Variants in MAP3K13 observed in about 807,000 individuals in gnomAD.
MAP3K13 encodes the protein leucine zipper-bearing kinase.
MAP3K13 carries 52 observed loss-of-function variants against 104.0 expected under a neutral mutation model. That is an observed-to-expected ratio of 0.50 (90% CI 0.40 to 0.63). The LOEUF (loss-of-function observed/expected upper bound fraction) is 0.63. Among genes scored for constraint, MAP3K13 ranks in the 20% least tolerant of loss-of-function variants. The pLI is 0.00. For missense variants in MAP3K13, 914 were observed against 1,218.5 expected, an observed-to-expected ratio of 0.75 and a Z score of 3.72; for synonymous variants, 394 against 442.2, an observed-to-expected ratio of 0.89 and a Z score of 1.37.
chr3:185,333,245 T>G (rs556491331), intron 2 of MAP3K13, among the ~76,000 whole-genome samples: 2 of 152,194 alleles, frequency 1.3e-5, no homozygotes, highest in Admixed American at 1.3e-4. Context: ...GATCTACTAA[T>G]AGCTGTGCAA....
At chr3:185,412,823 AT>A (rs892800472) in intron 1 of MAP3K13, among the ~76,000 whole-genome samples, 1 of 152,182 alleles carries the variant, frequency 6.6e-6, no homozygotes, top group African/African-American at 2.4e-5. Flanking sequence ...GTTATCTGTA[AT>A]ACAGTCTCCT....
rs533984739 is a variant in MAP3K13 at position 185,482,554 on chromosome 3, G to A, written c.*98G>A. ...CCACTCTCTCCCAGCATTTTGTCTG[G>A]GAAGAGAGACTACCCCATCTTTACC... is the stretch of plus-strand genomic sequence containing the variant. On this transcript the variant is annotated 3_prime_UTR_variant, in exon 14 of 14. Transcript: ENST00000265026. The surrounding 1 kb of genome is among the most constrained non-coding windows in gnomAD (Gnocchi z 4.5). 20 of 897,940 alleles carry A rather than the reference G, an allele frequency of 2.2e-5. No homozygotes were observed. The African/African-American group carries it at 3.1e-4, about 14-fold the overall frequency. The allele number at this position is 897,940 out of a possible 1,614,324, so 55.6% of individuals were successfully genotyped here.
intron 2 of MAP3K13, among the ~76,000 whole-genome samples, chr3:185,357,298 A>T (rs962642469): frequency 6.6e-6 from 1 of 151,962 alleles, no homozygotes; most frequent in Non-Finnish European, 1.5e-5. Flanking sequence ...TACAAAAAAA[A>T]TTAGCTGCAT....
At chr3:185,451,595 G>GA (rs1220130408) in intron 7 of MAP3K13, 200 bp downstream of exon 7, 5 of 429,578 alleles carry the variant, frequency 1.2e-5, no homozygotes, top group South Asian at 3.3e-5. Flanking sequence ...TAACTCATTT[G>GA]AAAAAACACG....
At chr3:185,398,571 A>G (rs977893916) in intron 1 of MAP3K13, among the ~76,000 whole-genome samples, 1 of 152,198 alleles carries the variant, frequency 6.6e-6, no homozygotes, top group Non-Finnish European at 1.5e-5. Context: ...AGCAGGGACT[A>G]TTTCTTTCTT....
intron 2 of MAP3K13, among the ~76,000 whole-genome samples, chr3:185,330,665 A>G (rs139422811): frequency 9.6e-4 from 146 of 152,194 alleles, no homozygotes; most frequent in Non-Finnish European, 1.5e-3. Flanking sequence ...GAAATGTTTC[A>G]GTCTTTTAAC....
rs1714581795 is a variant in MAP3K13 at position 185,428,836 on chromosome 3, T to C, written c.255T>C (p.Leu85=). The change falls in exon 2 of 14, where the codon CTT becomes CTC. Residue 85 remains leucine (L), a synonymous_variant. Coordinates refer to ENST00000265026, the MANE Select transcript of MAP3K13 (RefSeq NM_004721.5). The part of the protein sequence containing the change: ...DSRDQFENSV[L]QLREHDESET... ...GGGACCAGTTTGAGAACAGCGTTCT[T>C]CAGCTAAGGGAACACGATGAATCAG... The C allele has an allele frequency of 1.2e-6, 2 of 1,614,070 alleles. No homozygotes were observed. Among genetic ancestry groups the C allele is most frequent in the Non-Finnish European group, 1.7e-6 (2 of 1,180,016 alleles).
intron 12 of MAP3K13, among the ~76,000 whole-genome samples, chr3:185,478,988 T>C (rs1233938435): frequency 6.6e-6 from 1 of 152,218 alleles, no homozygotes; most frequent in Non-Finnish European, 1.5e-5. Flanking sequence ...TCTTATGTTT[T>C]TTTAAGCCAG....
chr3:185,391,689 G>A (rs1288414802), intron 1 of MAP3K13, among the ~76,000 whole-genome samples: 1 of 152,060 alleles, frequency 6.6e-6, no homozygotes, highest in East Asian at 1.9e-4. Context: ...CATATCTACT[G>A]TAGCCATTTC....
In MAP3K13 at chr3:185,483,212, T is replaced by C. The variant is rs1005981541; in HGVS notation, c.*756T>C. 8.6e-6 allele frequency: 2 copies of C among 232,944 alleles called. No individual in the cohort carries two copies. The highest frequency in any genetic ancestry group is 4.4e-5 in the African/African-American group (2 of 45,354). The allele number at this position is 232,944 out of a possible 1,614,324, so 14.4% of individuals were successfully genotyped here. On this transcript the variant is annotated 3_prime_UTR_variant, in exon 14 of 14. Coordinates refer to ENST00000265026, the MANE Select transcript of MAP3K13 (RefSeq NM_004721.5). ...TGTGGAAGCTGGTTTCATTTTTAAA[T>C]GTTTAAGCAGCAGTTGGTAGTGAGG...
chr3:185,289,169 A>G (rs987229035), intron 2 of MAP3K13, among the ~76,000 whole-genome samples: 3 of 152,170 alleles, frequency 2.0e-5, no homozygotes, highest in African/African-American at 7.2e-5. Context: ...AAGAGAAAGT[A>G]TAGAACTATT....
At chr3:185,323,904 C>T (rs1225595978) in intron 2 of MAP3K13, among the ~76,000 whole-genome samples, 1 of 152,204 alleles carries the variant, frequency 6.6e-6, no homozygotes, top group Non-Finnish European at 1.5e-5. Context: ...ACTTTTTTAA[C>T]TTTGCCAATT....
At chr3:185,308,101 T>A (rs6779106) in intron 2 of MAP3K13, among the ~76,000 whole-genome samples, 1 of 146,710 alleles carries the variant, frequency 6.8e-6, no homozygotes, top group Non-Finnish European at 1.5e-5. Flanking sequence ...TGCTGGGATT[T>A]GCACATTTTT....
At chr3:185,401,064 A>T (rs1401087891) in intron 1 of MAP3K13, among the ~76,000 whole-genome samples, 1 of 152,174 alleles carries the variant, frequency 6.6e-6, no homozygotes, top group Admixed American at 6.5e-5. Context: ...CTGCAGGTTT[A>T]TACAAGCTCA....
intron 2 of MAP3K13, among the ~76,000 whole-genome samples, chr3:185,316,914 T>C (rs1259170924): frequency 6.6e-6 from 1 of 152,198 alleles, no homozygotes; most frequent in East Asian, 1.9e-4. Context: ...GATCCTATAA[T>C]TATTATGATG....
intron 1 of MAP3K13, among the ~76,000 whole-genome samples, chr3:185,367,911 C>G (rs887475672): frequency 1.6e-4 from 25 of 152,308 alleles, no homozygotes; most frequent in Non-Finnish European, 2.8e-4. Flanking sequence ...GGCTATAAAC[C>G]TGTTGGGAGC....
At chr3:185,283,369 A>G (rs1399324327) in intron 1 of MAP3K13, among the ~76,000 whole-genome samples, 1 of 151,970 alleles carries the variant, frequency 6.6e-6, no homozygotes, top group African/African-American at 2.4e-5. Context: ...GGGTTCACCT[A>G]CCCCGACCTG....
At chr3:185,407,854 T>C (rs1038594498) in intron 1 of MAP3K13, among the ~76,000 whole-genome samples, 1 of 150,718 alleles carries the variant, frequency 6.6e-6, no homozygotes, top group Non-Finnish European at 1.5e-5. Flanking sequence ...TAGATTTCCT[T>C]GTAGAATTTT....
chr3:185,482,547 TTGTC>T lies in MAP3K13; in HGVS notation c.*94_*97del. On this transcript the variant is annotated 3_prime_UTR_variant, in exon 14 of 14. Coordinates refer to ENST00000265026, the MANE Select transcript of MAP3K13 (RefSeq NM_004721.5). This position sits in a 1 kb window ranked among gnomAD's most constrained non-coding sequence, Gnocchi z 4.5. The stretch of plus-strand genomic sequence containing the variant: ...ACTCATCCCACTCTCTCCCAGCATT[TTGTC>T]TGGGAAGAGAGACTACCCCATCTTT... 1.0e-6 allele frequency: 1 copy of T among 967,602 alleles called. No homozygotes were observed. Among genetic ancestry groups the T allele is most frequent in the Non-Finnish European group, 1.6e-6 (1 of 617,214 alleles). The allele number at this position is 967,602 out of a possible 1,614,324, so 59.9% of individuals were successfully genotyped here.
Sources: gnomAD v4.1 joint callset for allele counts (sites outside exome capture counted in the v4.1 genomes callset) on GRCh38, gnomAD v4.1.1 for gene constraint, Gnocchi (gnomAD v3.1) non-coding constraint, MANE v1.5 for transcripts, NCBI Gene and HGNC (gene_info 2026-07-23, HGNC 2026-07-21) for gene names.